Variants in RINL observed in about 807,000 individuals in gnomAD.
RINL encodes Ras and Rab interactor like.
In RINL, 39 loss-of-function variants were observed where a neutral mutation model predicts 58.1. That is an observed-to-expected ratio of 0.67 (90% CI 0.52 to 0.88). RINL has a LOEUF of 0.88. Among genes scored for constraint, RINL ranks in the 40% least tolerant of loss-of-function variants. The pLI is 0.00. For missense variants in RINL, 711 were observed against 749.2 expected, an observed-to-expected ratio of 0.95 and a Z score of 0.60; for synonymous variants, 286 against 323.1, an observed-to-expected ratio of 0.89 and a Z score of 1.23.
rs190419755 is a variant in RINL at position 38,873,512 on chromosome 19, A to C, written c.313+374T>G. On this transcript the variant is annotated intron_variant, in intron 4 of 11. Transcript: ENST00000591812. ...AATATTCATCAGATATTTTGGAAAC[A>C]AAGCTGACAGGTGTTTTTGTTTTGT... 4.8e-3 allele frequency: 824 copies of C among 171,738 alleles called. 8 individuals carry two copies. The highest frequency in any genetic ancestry group is 0.018 in the African/African-American group (766 of 42,462). The allele number at this position is 171,738 out of a possible 1,614,324, so 10.6% of individuals were successfully genotyped here.
At chr19:38,872,495 TAAA>T (rs2144643552) in intron 4 of RINL, among the ~76,000 whole-genome samples, 1 of 151,758 alleles carries the variant, frequency 6.6e-6, no homozygotes, top group South Asian at 2.1e-4. Context: ...AATAAATAAA[TAAA>T]TAAATAAATA....
Position 38,872,756 on chromosome 19 carries a change from A to G in RINL, c.314-886T>C, listed in dbSNP as rs1041171022. 2.6e-5 allele frequency among the ~76,000 whole-genome samples: 4 copies of G among 152,286 alleles called. 1 individual carries two copies. In the South Asian group the frequency reaches 8.3e-4, roughly 32 times the overall value. On this transcript the variant is annotated intron_variant, in intron 4 of 11. Transcript: ENST00000591812. ...GGTGGGGGCCTAGGGGAGGGATAGCATTAGGAAGAAATACCTAATGTAGAT... is the reference window on the plus strand; with the variant it reads ...GGTGGGGGCCTAGGGGAGGGATAGCGTTAGGAAGAAATACCTAATGTAGAT...
intron 3 of RINL, among the ~76,000 whole-genome samples, chr19:38,875,196 CTTTTTTTTTTCTTTTTTCT>C (rs894959411): frequency 3.5e-5 from 5 of 143,698 alleles, no homozygotes. Flanking sequence ...GGGCCCCATC[CTTTTTTTTTTCTTTTTTCT>C]TTTTTTTTTT....
chr19:38,871,269 G>T (rs1405549423), intron 6 of RINL, 42 bp from the exon 7 acceptor site: 1 of 1,611,562 alleles, frequency 6.2e-7, no homozygotes, highest in African/African-American at 1.3e-5. Flanking sequence ...GGTATCCAAG[G>T]GACCAACCCT....
At chr19:38,878,065 AGGGAG>A (rs777882514) in intron 1 of RINL, among the ~76,000 whole-genome samples, 162 bp downstream of exon 1, 13 of 151,816 alleles carry the variant, frequency 8.6e-5, no homozygotes, top group South Asian at 8.3e-4. Context: ...GCAGGAAGGA[AGGGAG>A]GGGAGGGGAG....
chr19:38,876,404 G>T lies in RINL; in HGVS notation c.137C>A (p.Thr46Lys). The T allele has an allele frequency of 6.5e-7, 1 of 1,536,130 alleles. No homozygotes were observed. The highest frequency in any genetic ancestry group is 8.7e-7 in the Non-Finnish European group (1 of 1,146,906). Reference protein sequence around the residue: ...TLEPLTRLQRTWGVWHVPELD... With the variant: ...TLEPLTRLQRKWGVWHVPELD... ...CTCTGGCACATGCCACACCCCCCATGTCCTCTGCAGGCGAGTAAGTGGCTC... is the reference window on the plus strand; with the variant it reads ...CTCTGGCACATGCCACACCCCCCATTTCCTCTGCAGGCGAGTAAGTGGCTC... The change falls in exon 3 of 12, where the codon ACA becomes AAA. Residue 46 changes from threonine to lysine, a missense_variant. Coordinates refer to ENST00000591812, the MANE Select transcript of RINL (RefSeq NM_001195833.2).
At position 38,869,323 on chromosome 19, in the gene RINL, C is replaced by T; in HGVS notation, c.1562G>A (p.Ser521Asn). 1.2e-6 allele frequency: 2 copies of T among 1,614,034 alleles called. No individual in the cohort carries two copies. The highest frequency in any genetic ancestry group is 1.7e-6 in the Non-Finnish European group (2 of 1,179,996). Residue 521 changes from serine (S) to asparagine (N), a missense_variant, in exon 11 of 12, where the codon AGC (serine) becomes AAC (asparagine). Ser to Asn is a conservative substitution (Grantham distance 46, BLOSUM62 1). Coordinates refer to ENST00000591812, the MANE Select transcript of RINL (RefSeq NM_001195833.2). The surrounding 1 kb of genome is among the most constrained non-coding windows in gnomAD (Gnocchi z 5.7). Reference sequence around the variant, plus strand: ...GTGCAGGGAGGCGCGGGCCTCGGAGCTGAGCCCCCGGGGAGCGCGGTCTGT... The same window carrying T: ...GTGCAGGGAGGCGCGGGCCTCGGAGTTGAGCCCCCGGGGAGCGCGGTCTGT... ...PETDRAPRGL[S>N]SEARASLHQW...
intron 3 of RINL, 60 bp downstream of exon 3, chr19:38,876,271 A>G: frequency 6.8e-7 from 1 of 1,466,588 alleles, no homozygotes; most frequent in Non-Finnish European, 9.1e-7. Context: ...GTTTGTCACT[A>G]GTAACCAGCA....
In RINL at chr19:38,870,149, C is replaced by A; in HGVS notation, c.1136G>T (p.Arg379Leu). 3 of 1,409,812 alleles carry A rather than the reference C, an allele frequency of 2.1e-6. No homozygotes were observed. Among genetic ancestry groups the A allele is most frequent in the Non-Finnish European group, 1.8e-6 (2 of 1,092,332 alleles). The allele number at this position is 1,409,812 out of a possible 1,614,324, so 87.3% of individuals were successfully genotyped here. A position where few individuals can be genotyped will look rare whatever the true frequency, so the allele number is the denominator to read the frequency against. Residue 379 changes from arginine (R) to leucine (L), a missense_variant, in exon 9 of 12, where the codon CGA (arginine) becomes CTA (leucine). Arg to Leu is a moderately radical substitution (Grantham distance 102). Transcript: ENST00000591812. The surrounding 1 kb of genome is among the most constrained non-coding windows in gnomAD (Gnocchi z 5.8). ...CGCCCCCGCCCGCAGGGCTGTCTGT[C>A]GCCGCCGCAGCCGCCGCAGCTCCGG... ...RAPELRRLRR[R>L]QTALRAGAGP...
Position 38,869,339 on chromosome 19 carries a change from C to A in RINL, c.1546G>T (p.Ala516Ser), listed in dbSNP as rs528085067. 8.7e-6 allele frequency: 14 copies of A among 1,613,838 alleles called. No individual in the cohort carries two copies. The highest frequency in any genetic ancestry group is 1.3e-5 in the African/African-American group (1 of 75,026). ...IAHYQPETDR[A>S]PRGLSSEARA... ...GCCTCGGAGCTGAGCCCCCGGGGAG[C>A]GCGGTCTGTTTCGGGCTGGTAGTGG... The change falls in exon 11 of 12, where the codon GCT becomes TCT. Residue 516 changes from alanine (A) to serine (S), a missense_variant. Transcript: ENST00000591812. The surrounding 1 kb of genome is among the most constrained non-coding windows in gnomAD (Gnocchi z 5.7).
In RINL at chr19:38,876,331, C is replaced by A; in HGVS notation, c.210G>T (p.Gly70=). 6.5e-7 allele frequency: 1 copy of A among 1,535,802 alleles called. No homozygotes were observed. The highest frequency in any genetic ancestry group is 8.7e-7 in the Non-Finnish European group (1 of 1,146,702). Residue 70 remains glycine, a splice_region_variant and synonymous_variant, in exon 3 of 12, where the codon GGG becomes GGT. Transcript: ENST00000591812. ...AEALVGLWPL[G]SFLVTGRDPS... is the part of the protein sequence containing the mutation. ...TGGGCCCCCAGCTGTGAGTACTCAC[C>A]CCTAGTGGCCACAGCCCCACAAGGG...
At position 38,869,730 on chromosome 19, in the gene RINL, G is replaced by C. The variant is rs1052633677; in HGVS notation, c.1343-26C>G. 1 of 1,612,976 alleles carries C rather than the reference G, an allele frequency of 6.2e-7. No homozygotes were observed. Among genetic ancestry groups the C allele is most frequent in the African/African-American group, 1.3e-5 (1 of 74,866 alleles). Reference sequence around the variant, plus strand: ...CTGGGAAAACCAGAGGAAAGGTCTTGAGATGGATCCCCATCTCAAGGCGCG... The same window carrying C: ...CTGGGAAAACCAGAGGAAAGGTCTTCAGATGGATCCCCATCTCAAGGCGCG... On this transcript the variant is annotated intron_variant, in intron 9 of 11. Coordinates refer to ENST00000591812, the MANE Select transcript of RINL (RefSeq NM_001195833.2). This position sits in a 1 kb window ranked among gnomAD's most constrained non-coding sequence, Gnocchi z 5.7.
chr19:38,870,313 C>T lies in RINL; in HGVS notation c.1025-53G>A. The T allele has an allele frequency of 1.5e-6, 2 of 1,325,418 alleles. No homozygotes were observed. 82.1% of individuals were successfully genotyped at this position (1,325,418 alleles called of 1,614,324 possible). On this transcript the variant is annotated intron_variant, in intron 8 of 11. Transcript: ENST00000591812. The surrounding 1 kb of genome is among the most constrained non-coding windows in gnomAD (Gnocchi z 5.8). ...CAGGACCGCCAAGTTGTCCCACGCC[C>T]ACCCACGCGCTCCAACAACCCACCC...
chr19:38,869,971 A>G lies in RINL; in HGVS notation c.1314T>C (p.Tyr438=), dbSNP rs770823837. 1 of 1,600,306 alleles carries G rather than the reference A, an allele frequency of 6.2e-7. No individual in the cohort carries two copies. Among genetic ancestry groups the G allele is most frequent in the East Asian group, 2.3e-5 (1 of 44,092 alleles). ...GGTTCTCGCCTCGAGCCAGGCCCGC[A>G]TAGACATCTCTGCACACCTCCAAGA... ...ALLLEVCRDV[Y]AGLARGENQD... Residue 438 remains tyrosine (Y), a synonymous_variant, in exon 9 of 12, where the codon TAT becomes TAC. Coordinates refer to ENST00000591812, the MANE Select transcript of RINL (RefSeq NM_001195833.2). This position sits in a 1 kb window ranked among gnomAD's most constrained non-coding sequence, Gnocchi z 5.7.
Position 38,869,884 on chromosome 19 carries a change from C to A in RINL, c.1342+59G>T. On this transcript the variant is annotated intron_variant, in intron 9 of 11. Coordinates refer to ENST00000591812, the MANE Select transcript of RINL (RefSeq NM_001195833.2). This position sits in a 1 kb window ranked among gnomAD's most constrained non-coding sequence, Gnocchi z 5.7. The stretch of plus-strand genomic sequence containing the variant: ...TCCTCCCACCAGTGCTACCCTCTCC[C>A]GCCTGGCTCCAACTCTCAAGGCTCT... 1 of 1,541,876 alleles carries A rather than the reference C, an allele frequency of 6.5e-7. No homozygotes were observed.
intron 1 of RINL, among the ~76,000 whole-genome samples, chr19:38,877,674 G>A (rs560968247): frequency 6.6e-6 from 1 of 152,158 alleles, no homozygotes; most frequent in African/African-American, 2.4e-5. Flanking sequence ...CACCCATCAG[G>A]CCCCAGCTCC....
At chr19:38,871,934 G>A in intron 4 of RINL, 64 bp from the exon 5 acceptor site, 1 of 1,271,752 alleles carries the variant, frequency 7.9e-7, no homozygotes, top group African/African-American at 1.5e-5. Context: ...TGTCCCCTGG[G>A]ATGCTCTTGC....
Position 38,869,813 on chromosome 19 carries a change from C to A in RINL, c.1343-109G>T, listed in dbSNP as rs1972758474. On this transcript the variant is annotated intron_variant, in intron 9 of 11. Transcript: ENST00000591812. This position sits in a 1 kb window ranked among gnomAD's most constrained non-coding sequence, Gnocchi z 5.7. ...AGGGCTGGCTGCCCCTCCACCTTGT[C>A]GGGCATGACAGCGCCTCCTACCAGA... 18 of 1,553,384 alleles carry A rather than the reference C, an allele frequency of 1.2e-5. No individual in the cohort carries two copies. Among genetic ancestry groups the A allele is most frequent in the Non-Finnish European group, 1.5e-5 (17 of 1,144,452 alleles).
In RINL at chr19:38,870,306, C is replaced by T. The variant is rs2145474129; in HGVS notation, c.1025-46G>A. On this transcript the variant is annotated intron_variant, in intron 8 of 11. Transcript: ENST00000591812. This position sits in a 1 kb window ranked among gnomAD's most constrained non-coding sequence, Gnocchi z 5.8. The stretch of plus-strand genomic sequence containing the variant: ...GTGAGCACAGGACCGCCAAGTTGTC[C>T]CACGCCCACCCACGCGCTCCAACAA... The T allele has an allele frequency of 7.5e-7, 1 of 1,327,846 alleles. No individual in the cohort carries two copies. Among genetic ancestry groups the T allele is most frequent in the Non-Finnish European group, 9.8e-7 (1 of 1,021,052 alleles). 82.3% of individuals were successfully genotyped at this position (1,327,846 alleles called of 1,614,324 possible). A position where few individuals can be genotyped will look rare whatever the true frequency, so the allele number is the denominator to read the frequency against.
Sources: allele counts gnomAD v4.1 joint callset (sites outside exome capture counted in the v4.1 genomes callset), GRCh38; gene constraint gnomAD v4.1.1; non-coding constraint Gnocchi (gnomAD v3.1); transcripts MANE v1.5; gene names NCBI Gene and HGNC (gene_info 2026-07-23, HGNC 2026-07-21).